Variants in DLC1 observed in about 807,000 individuals in gnomAD.
DLC1 encodes the protein DLC1 Rho GTPase activating protein, also known as rho GTPase-activating protein 7.
A neutral mutation model predicts 140.3 loss-of-function variants in DLC1; 54 were observed. That is an observed-to-expected ratio of 0.38 (90% CI 0.31 to 0.48). The LOEUF is 0.48. DLC1 is among the 20% of genes least tolerant of loss of function. DLC1 has a pLI of 0.96. For missense variants in DLC1, 2,536 were observed against 1,907.0 expected, an observed-to-expected ratio of 1.33 and a Z score of -6.14; for synonymous variants, 986 against 728.1, an observed-to-expected ratio of 1.35 and a Z score of -5.70.
In DLC1 at chr8:13,133,194, G is replaced by C. The variant is rs1039065387; in HGVS notation, c.1349-17537C>G. 25 of 1,426,542 alleles carry C rather than the reference G, an allele frequency of 1.8e-5. No homozygotes were observed. The East Asian group carries it at 6.5e-4, about 37-fold the overall frequency. 88.4% of individuals were successfully genotyped at this position (1,426,542 alleles called of 1,614,324 possible). Reference sequence around the variant, plus strand: ...AACGAGGGAGCGCTCAGGGAGTTGGGCGAGAAGTCCGTGAGCCGGCGCTCC... The same window carrying C: ...AACGAGGGAGCGCTCAGGGAGTTGGCCGAGAAGTCCGTGAGCCGGCGCTCC... On this transcript the variant is annotated intron_variant, in intron 5 of 17. Transcript: ENST00000276297.
In DLC1 at chr8:13,538,389, C is replaced by A. The variant is rs530504027; in HGVS notation, c.-125-38193G>T. ...AGTATAAAAAAAAAAAACAGCATCT[C>A]GAATATTTCAGATCTGGTGAGACTG... On this transcript the variant is annotated intron_variant, in intron 1 of 1. Coordinates refer to the DLC1 transcript ENST00000631382. Among the ~76,000 whole-genome samples the A allele has an allele frequency of 2.6e-5, 4 of 152,094 alleles. 1 individual carries two copies. Among genetic ancestry groups the A allele is most frequent in the East Asian group, 1.9e-4 (1 of 5,156 alleles).
chr8:13,135,204 CTTTT>C (rs548207973), intron 5 of DLC1, among the ~76,000 whole-genome samples: 7 of 131,198 alleles, frequency 5.3e-5, no homozygotes, highest in African/African-American at 8.7e-5. Context: ...AGTGAGAAGC[CTTTT>C]TTTTTTTTTT....
chr8:13,234,552 G>A (rs1411952262), intron 5 of DLC1, among the ~76,000 whole-genome samples: 1 of 152,132 alleles, frequency 6.6e-6, no homozygotes, highest in Non-Finnish European at 1.5e-5. Flanking sequence ...TACAAATGAA[G>A]AAAGCTACTT....
chr8:13,233,846 G>C (rs1185359610), intron 5 of DLC1, among the ~76,000 whole-genome samples: 2 of 152,196 alleles, frequency 1.3e-5, no homozygotes, highest in Non-Finnish European at 2.9e-5. Flanking sequence ...CATAGGGCTA[G>C]AGAGTCTTGA....
intron 2 of DLC1, among the ~76,000 whole-genome samples, chr8:13,417,078 C>A (rs1328064843): frequency 2.0e-5 from 3 of 151,982 alleles, no homozygotes; most frequent in African/African-American, 7.3e-5. Context: ...AGAAATGTGT[C>A]AACAATTATT....
intron 4 of DLC1, chr8:13,342,047 A>C (rs1050105027): frequency 6.6e-6 from 1 of 152,212 alleles, no homozygotes; most frequent in Non-Finnish European, 1.5e-5. Flanking sequence ...GGCCAGTGTG[A>C]ATTAAAAGAG....
chr8:13,181,686 G>A (rs28698509), intron 5 of DLC1, among the ~76,000 whole-genome samples: 39,661 of 151,698 alleles, frequency 0.26, 5,777 homozygotes, highest in African/African-American at 0.38. Context: ...TTATGGCTGC[G>A]TAGTATTCCA....
At chr8:13,431,318 C>G (rs1413028196) in intron 2 of DLC1, among the ~76,000 whole-genome samples, 1 of 151,394 alleles carries the variant, frequency 6.6e-6, no homozygotes, top group South Asian at 2.1e-4. Flanking sequence ...CCCATCTCTA[C>G]TCAAAATAGA....
At chr8:13,572,949 A>C (rs896924574) in intron 1 of DLC1, among the ~76,000 whole-genome samples, 2 of 152,072 alleles carry the variant, frequency 1.3e-5, no homozygotes, top group African/African-American at 4.8e-5. Flanking sequence ...TGTTTTGGCT[A>C]TTCATGGTTC....
At chr8:13,505,949 C>G (rs1014984171) in intron 1 of DLC1, among the ~76,000 whole-genome samples, 1 of 152,198 alleles carries the variant, frequency 6.6e-6, no homozygotes, top group Non-Finnish European at 1.5e-5. Flanking sequence ...CCCACTTTTC[C>G]TGAATCCCTC....
At chr8:13,462,321 C>A (rs1799703392) in intron 2 of DLC1, among the ~76,000 whole-genome samples, 1 of 152,124 alleles carries the variant, frequency 6.6e-6, no homozygotes, top group African/African-American at 2.4e-5. Context: ...ACCCCTAAAT[C>A]CACCTGGGAA....
chr8:13,477,594 C>G (rs778147710), intron 2 of DLC1, among the ~76,000 whole-genome samples: 4 of 152,156 alleles, frequency 2.6e-5, no homozygotes, highest in Non-Finnish European at 5.9e-5. Context: ...GGTGATGATG[C>G]TTTCTTAGGA....
In DLC1 at chr8:13,100,633, G is replaced by A. The variant is rs757558933; in HGVS notation, c.1704C>T (p.Asp568=). ...TGGGGCCGTCCTTCGGGTGGGAGTC[G>A]TCTGGGGACCCAGGGACCAGGTCTT... ...PKQDLVPGSP[D]DSHPKDGPSP... The change falls in exon 9 of 18, where the codon GAC becomes GAT. Residue 568 remains aspartate, a synonymous_variant. Coordinates refer to ENST00000276297, the MANE Select transcript of DLC1 (RefSeq NM_182643.3). The A allele has an allele frequency of 2.0e-5, 32 of 1,613,944 alleles. No homozygotes were observed. The East Asian group carries it at 5.1e-4, about 26-fold the overall frequency.
intron 4 of DLC1, among the ~76,000 whole-genome samples, chr8:13,308,961 A>ACTGT (rs1454479723): frequency 1.3e-5 from 2 of 152,172 alleles, no homozygotes; most frequent in East Asian, 1.9e-4. Context: ...ACACAAGCTG[A>ACTGT]CTGTATAGTA....
intron 5 of DLC1, among the ~76,000 whole-genome samples, chr8:13,188,843 A>C (rs1352623235): frequency 2.0e-4 from 6 of 30,666 alleles, no homozygotes; most frequent in African/African-American, 5.4e-4. Flanking sequence ...ATATATATAT[A>C]TTTTTTTTTT....
intron 5 of DLC1, among the ~76,000 whole-genome samples, chr8:13,265,710 C>A (rs781567285): frequency 1.5e-4 from 22 of 151,480 alleles, no homozygotes; most frequent in Admixed American, 1.4e-3. Context: ...CTCCTCTCCT[C>A]TTCTCTCCCC....
chr8:13,453,420 ATATG>A (rs1208034593), intron 2 of DLC1, among the ~76,000 whole-genome samples: 2 of 22,728 alleles, frequency 8.8e-5, no homozygotes, highest in Non-Finnish European at 1.6e-4. Flanking sequence ...ATATATATAT[ATATG>A]TGTATATATA....
chr8:13,481,001 T>C (rs1332655623), intron 2 of DLC1, among the ~76,000 whole-genome samples: 1 of 152,116 alleles, frequency 6.6e-6, no homozygotes, highest in African/African-American at 2.4e-5. Flanking sequence ...AAGAGGCCAG[T>C]TAAGAAAATG....
At chr8:13,599,693 G>A (rs1261155565) in intron 1 of DLC1, among the ~76,000 whole-genome samples, 2 of 151,866 alleles carry the variant, frequency 1.3e-5, no homozygotes, top group Admixed American at 1.3e-4. Context: ...ATATGGATTG[G>A]AAGACTCAAT....
Sources: gnomAD v4.1 joint callset for allele counts (sites outside exome capture counted in the v4.1 genomes callset) on GRCh38, gnomAD v4.1.1 for gene constraint, MANE v1.5 for transcripts, NCBI Gene and HGNC (gene_info 2026-07-23, HGNC 2026-07-21) for gene names.